The following NFIB variants were observed in gnomAD, a reference collection of about 807,000 sequenced individuals.
NFIB encodes nuclear factor 1 B-type.
NFIB carries 11 observed loss-of-function variants against 61.5 expected under a neutral mutation model. That is an observed-to-expected ratio of 0.18 (90% CI 0.11 to 0.30). NFIB has a LOEUF of 0.30. Ranked by LOEUF, NFIB falls within the 10% of genes least tolerant of loss-of-function variation. The pLI is 1.00. For synonymous variants in NFIB, 260 were observed against 216.5 expected (o/e 1.20, Z -1.76); for missense variants, 471 against 608.9 (o/e 0.77, Z 2.38).
rs73411929 is a variant in NFIB at position 14,145,818 on chromosome 9, C to T, written c.925+871G>A. On this transcript the variant is annotated intron_variant, in intron 6 of 10. Transcript: ENST00000380953. ...GGCGCACACCACTATGCTTGGCTTACGTTTTATTTTTTTTTTGTAGAGATG... is the reference window on the plus strand; with the variant it reads ...GGCGCACACCACTATGCTTGGCTTATGTTTTATTTTTTTTTTGTAGAGATG... Among the ~76,000 whole-genome samples the T allele has an allele frequency of 9.8e-3, 1,480 of 151,592 alleles. 19 individuals are homozygous for T. The highest frequency in any genetic ancestry group is 0.026 in the African/African-American group (1,081 of 41,358).
At chr9:14,369,844 C>T (rs554106840) in intron 1 of NFIB, among the ~76,000 whole-genome samples, 1 of 152,318 alleles carries the variant, frequency 6.6e-6, no homozygotes, top group Admixed American at 6.5e-5. Context: ...TTCTTACTTT[C>T]AGTCCCTTCC....
At chr9:14,480,180 TTGAGA>T in the NFIB span, among the ~76,000 whole-genome samples, 2 of 152,124 alleles carry the variant, frequency 1.3e-5, no homozygotes, top group Non-Finnish European at 2.9e-5. Flanking sequence ...TCCCCATAAT[TTGAGA>T]TGTAGAAATT....
intron 1 of NFIB, among the ~76,000 whole-genome samples, chr9:14,324,411 T>C (rs188913135): frequency 6.6e-6 from 1 of 152,286 alleles, no homozygotes; most frequent in East Asian, 1.9e-4. Flanking sequence ...AACACTTGCA[T>C]GGGCAGTGTT....
intron 3 of NFIB, 105 bp from the exon 4 acceptor site, chr9:14,155,998 A>T: frequency 1.7e-6 from 1 of 577,026 alleles, no homozygotes. Flanking sequence ...TTGAACAAAA[A>T]CCAAATATGC....
At chr9:14,222,783 A>G (rs4741351) in intron 2 of NFIB, among the ~76,000 whole-genome samples, 86,623 of 124,646 alleles carry the variant, frequency 0.69, 29,012 homozygotes, top group Non-Finnish European at 0.74. Context: ...GCAACAGAGT[A>G]AGATCCTGTC....
At chr9:14,185,752 G>T (rs771680329) in intron 2 of NFIB, among the ~76,000 whole-genome samples, 1 of 152,172 alleles carries the variant, frequency 6.6e-6, no homozygotes, top group East Asian at 1.9e-4. Flanking sequence ...TAAATTTCTT[G>T]TGGCAAGCCA....
intron 2 of NFIB, among the ~76,000 whole-genome samples, chr9:14,223,228 T>C (rs376188424): frequency 1.3e-5 from 2 of 152,206 alleles, no homozygotes; most frequent in Non-Finnish European, 2.9e-5. Flanking sequence ...GCTTAGATGA[T>C]AGAGCAGGGA....
At chr9:14,145,687 G>A (rs746678562) in intron 6 of NFIB, among the ~76,000 whole-genome samples, 1 of 127,274 alleles carries the variant, frequency 7.9e-6, no homozygotes, top group Admixed American at 8.6e-5. Flanking sequence ...GTCTCACTCT[G>A]TTACCCAGGC....
At chr9:14,470,300 C>T in the NFIB span, among the ~76,000 whole-genome samples, 1 of 152,114 alleles carries the variant, frequency 6.6e-6, no homozygotes, top group Non-Finnish European at 1.5e-5. Flanking sequence ...TACTCACTGG[C>T]TTTCCCTGCT....
chr9:14,301,289 C>T (rs1463215119), intron 2 of NFIB, among the ~76,000 whole-genome samples: 5 of 152,260 alleles, frequency 3.3e-5, no homozygotes, highest in Admixed American at 6.5e-5. Flanking sequence ...CCACGATTCT[C>T]GAACAATGCA....
chr9:14,456,903 G>A, the NFIB span, among the ~76,000 whole-genome samples: 75 of 152,274 alleles, frequency 4.9e-4, no homozygotes, highest in African/African-American at 1.7e-3. Context: ...ATGCAGAATT[G>A]TTTGCAAAAT....
At chr9:14,303,495 C>A (rs937903050) in intron 2 of NFIB, among the ~76,000 whole-genome samples, 3 of 152,138 alleles carry the variant, frequency 2.0e-5, no homozygotes, top group African/African-American at 7.2e-5. Context: ...AAAATAGATA[C>A]CATTTAGAGC....
chr9:14,252,036 C>T (rs1431022125), intron 2 of NFIB, among the ~76,000 whole-genome samples: 1 of 152,168 alleles, frequency 6.6e-6, no homozygotes, highest in Middle Eastern at 3.2e-3. Flanking sequence ...TCAGTTGCTA[C>T]AGGATTTGCA....
intron 2 of NFIB, among the ~76,000 whole-genome samples, chr9:14,301,030 A>G (rs983693984): frequency 6.6e-6 from 1 of 152,224 alleles, no homozygotes; most frequent in Non-Finnish European, 1.5e-5. Flanking sequence ...GGGAAAAACA[A>G]GTAAGTAAAT....
intron 2 of NFIB, among the ~76,000 whole-genome samples, chr9:14,193,395 G>A (rs550627758): frequency 3.9e-5 from 6 of 152,002 alleles, no homozygotes; most frequent in Non-Finnish European, 7.4e-5. Flanking sequence ...AAACAACTTC[G>A]AAATGCTTAT....
chr9:14,216,584 G>C (rs2050952097), intron 2 of NFIB, among the ~76,000 whole-genome samples: 1 of 138,350 alleles, frequency 7.2e-6, no homozygotes, highest in African/African-American at 2.9e-5. Context: ...GTGTGTGTGT[G>C]TGTGTGTAGC....
At chr9:14,446,907 A>C in the NFIB span, among the ~76,000 whole-genome samples, 1 of 152,150 alleles carries the variant, frequency 6.6e-6, no homozygotes, top group Admixed American at 6.5e-5. Context: ...AAAATTTTCA[A>C]ACAAATCTCA....
chr9:14,138,196 A>G (rs372447632), intron 6 of NFIB, among the ~76,000 whole-genome samples: 1 of 152,116 alleles, frequency 6.6e-6, no homozygotes, highest in Non-Finnish European at 1.5e-5. Flanking sequence ...AGAAAAATAG[A>G]TATAAACTTA....
the NFIB span, among the ~76,000 whole-genome samples, chr9:14,444,831 C>A: frequency 6.6e-6 from 1 of 152,066 alleles, no homozygotes; most frequent in Non-Finnish European, 1.5e-5. Context: ...ACTGTAGAGA[C>A]CCTTTTTGTG....
Sources: gnomAD v4.1 joint callset for allele counts (sites outside exome capture counted in the v4.1 genomes callset) on GRCh38, gnomAD v4.1.1 for gene constraint, MANE v1.5 for transcripts, NCBI Gene and HGNC (gene_info 2026-07-23, HGNC 2026-07-21) for gene names.